Variants in TFDP1 observed in about 807,000 individuals in gnomAD.
TFDP1 encodes DRTF1-polypeptide 1.
Under a neutral mutation model 48.0 loss-of-function variants are expected in TFDP1, and 6 were observed. The observed-to-expected ratio is 0.13, with a 90% CI of 0.07 to 0.25. TFDP1 has a LOEUF of 0.25. Ranked by LOEUF, TFDP1 falls within the 10% of genes least tolerant of loss-of-function variation. The probability of loss-of-function intolerance (pLI) is 1.00; values close to 1 mark genes in which losing one functional copy is unlikely to be tolerated. For missense variants in TFDP1, 335 were observed against 543.0 expected (o/e 0.62, Z 3.81); for synonymous variants, 201 against 211.6 (o/e 0.95, Z 0.44).
In TFDP1 at chr13:113,621,522, C is replaced by T. The variant is rs1046266054; in HGVS notation, c.80-1658C>T. On this transcript the variant is annotated intron_variant, in intron 3 of 11. Transcript: ENST00000375370. ...TAATCATTAGTTTGTAGCAATTACT[C>T]TTTATTCCAATATTACAATAATCCT... Among the ~76,000 whole-genome samples, 7 of 152,314 alleles carry T rather than the reference C, an allele frequency of 4.6e-5. No individual in the cohort carries two copies. In the East Asian group the frequency reaches 5.8e-4, roughly 13 times the overall value.
chr13:113,589,939 G>A lies in TFDP1; in HGVS notation c.12+4090G>A, dbSNP rs140164343. ...GAACATCCTGTCGTCACACACGATTGTCCAGTGTCATGAAAGTTTGTAAGT... is the reference window on the plus strand; with the variant it reads ...GAACATCCTGTCGTCACACACGATTATCCAGTGTCATGAAAGTTTGTAAGT... On this transcript the variant is annotated intron_variant, in intron 2 of 11. Coordinates refer to ENST00000375370, the MANE Select transcript of TFDP1 (RefSeq NM_007111.5). Among the ~76,000 whole-genome samples the A allele has an allele frequency of 5.1e-3, 784 of 152,322 alleles. 4 individuals are homozygous for A. Among genetic ancestry groups the A allele is most frequent in the Middle Eastern group, 0.014 (4 of 294 alleles).
chr13:113,617,721 A>G (rs919549297), intron 3 of TFDP1, among the ~76,000 whole-genome samples: 7 of 152,182 alleles, frequency 4.6e-5, no homozygotes, highest in African/African-American at 1.7e-4. Context: ...GCTTGGCCAG[A>G]TAAGCAAACA....
chr13:113,618,459 T>G (rs1594484489), intron 3 of TFDP1, among the ~76,000 whole-genome samples: 1 of 152,196 alleles, frequency 6.6e-6, no homozygotes, highest in East Asian at 1.9e-4. Context: ...AGGTGGAGGT[T>G]GCAGTGAGCT....
chr13:113,627,725 A>AGGTTC lies in TFDP1; in HGVS notation c.187-3898_187-3897insGGTTC, dbSNP rs201053377. Among the ~76,000 whole-genome samples, 3,743 of 152,160 alleles carry AGGTTC rather than the reference A, an allele frequency of 0.025. 155 individuals are homozygous for AGGTTC. Among genetic ancestry groups the AGGTTC allele is most frequent in the African/African-American group, 0.086 (3,553 of 41,478 alleles). ...CCAGCATTAGGTTCTCAGGAGCGCA[A>AGGTTC]ACCCCACTGTGAACGGCACATGCAG... On this transcript the variant is annotated intron_variant, in intron 4 of 11. Coordinates refer to ENST00000375370, the MANE Select transcript of TFDP1 (RefSeq NM_007111.5). The surrounding 1 kb of genome is among the most constrained non-coding windows in gnomAD (Gnocchi z 4.1).
At chr13:113,585,552 T>TGCGGGCCC (rs1229663168) in intron 1 of TFDP1, 1 of 327,040 alleles carries the variant, frequency 3.1e-6, no homozygotes, top group Non-Finnish European at 5.8e-6. Context: ...GTGGTGACCC[T>TGCGGGCCC]GCGGGCCCGC....
chr13:113,606,024 C>T (rs1339653276), intron 2 of TFDP1, among the ~76,000 whole-genome samples: 2 of 133,304 alleles, frequency 1.5e-5, no homozygotes, highest in Admixed American at 7.6e-5. Flanking sequence ...TGTGGGAAGG[C>T]GGCGCGGTGA....
Position 113,607,279 on chromosome 13 carries a change from G to T in TFDP1, c.13-3717G>T, listed in dbSNP as rs1319193451. ...TTCTCCAGGAGAAAGCTGAGGAAAG[G>T]GGCCAGCCGTGAGCTGCGGGTGCTT... On this transcript the variant is annotated intron_variant, in intron 2 of 11. Transcript: ENST00000375370. The surrounding 1 kb of genome is among the most constrained non-coding windows in gnomAD (Gnocchi z 5.2). Among the ~76,000 whole-genome samples the T allele has an allele frequency of 1.3e-5, 2 of 152,352 alleles. No homozygotes were observed. Among genetic ancestry groups the T allele is most frequent in the Non-Finnish European group, 1.5e-5 (1 of 68,030 alleles).
At chr13:113,601,341 G>A (rs903993366) in intron 2 of TFDP1, among the ~76,000 whole-genome samples, 1 of 88,596 alleles carries the variant, frequency 1.1e-5, no homozygotes, top group Non-Finnish European at 2.1e-5. Context: ...TAACTCACCC[G>A]GCTGCTGGTG....
intron 4 of TFDP1, among the ~76,000 whole-genome samples, chr13:113,625,492 ACGTGTTCT>A (rs2049130016): frequency 1.7e-5 from 1 of 60,390 alleles, no homozygotes; most frequent in African/African-American, 1.5e-4. Flanking sequence ...GGTGTCTCTC[ACGTGTTCT>A]CAGGTGTCTC....
chr13:113,636,665 G>A lies in TFDP1; in HGVS notation c.971G>A (p.Ser324Asn), dbSNP rs368176674. Residue 324 changes from serine to asparagine, a missense_variant, in exon 10 of 12, where the codon AGT becomes AAT. This residue lies in a region of TFDP1 where 204 missense variants were observed against 287.1 expected (regional missense o/e 0.71). Coordinates refer to ENST00000375370, the MANE Select transcript of TFDP1 (RefSeq NM_007111.5). ...CSAEDLKMAR[S>N]LVPKALEPYV... ...GCCGAAGACCTTAAAATGGCCAGAA[G>A]TCTGGTCCCCAAGGCTCTGGAGCCA... The A allele has an allele frequency of 3.1e-6, 5 of 1,610,658 alleles. No individual in the cohort carries two copies. In the South Asian group the frequency reaches 4.4e-5, roughly 14 times the overall value.
intron 1 of TFDP1, 57 bp from the exon 2 acceptor site, chr13:113,585,717 G>C (rs1277551576): frequency 3.6e-6 from 4 of 1,105,112 alleles, no homozygotes; most frequent in East Asian, 5.0e-5. Context: ...TTTAAACTTC[G>C]TTTTTCATTC....
At chr13:113,585,740 T>G in intron 1 of TFDP1, 34 bp from the exon 2 acceptor site, 1 of 1,280,834 alleles carries the variant, frequency 7.8e-7, no homozygotes, top group Non-Finnish European at 1.1e-6. Flanking sequence ...ACTTATTTCT[T>G]GTTTTTCCTT....
intron 3 of TFDP1, among the ~76,000 whole-genome samples, chr13:113,622,867 T>C (rs1230253835): frequency 6.6e-6 from 1 of 152,264 alleles, no homozygotes; most frequent in African/African-American, 2.4e-5. Flanking sequence ...TGTCATAGAA[T>C]CACAGACTTT....
At chr13:113,600,263 T>C (rs1268769628) in intron 2 of TFDP1, among the ~76,000 whole-genome samples, 2 of 146,070 alleles carry the variant, frequency 1.4e-5, no homozygotes, top group African/African-American at 2.6e-5. Context: ...CCCTCACACA[T>C]AGGGCTCCAG....
chr13:113,592,079 T>C (rs2048160940), intron 2 of TFDP1, among the ~76,000 whole-genome samples: 1 of 152,264 alleles, frequency 6.6e-6, no homozygotes, highest in African/African-American at 2.4e-5. Context: ...ACTATTCACA[T>C]GTGCTGCAGG....
chr13:113,585,142 C>G (rs1242080785), intron 1 of TFDP1: 1 of 146,982 alleles, frequency 6.8e-6, no homozygotes, highest in Non-Finnish European at 1.5e-5. Flanking sequence ...CCGCGCCCCA[C>G]GCTGGAGGTG....
chr13:113,610,946 C>T lies in TFDP1; in HGVS notation c.13-50C>T, dbSNP rs201470402. 344 of 1,572,734 alleles carry T rather than the reference C, an allele frequency of 2.2e-4. 1 individual carries two copies. Among genetic ancestry groups the T allele is most frequent in the African/African-American group, 1.5e-4 (11 of 73,962 alleles). On this transcript the variant is annotated intron_variant, in intron 2 of 11. Transcript: ENST00000375370. ...GGGTGGTTTTAAACACCCCTAGTTTCGTAGCCCTTTTAGCTGTCATATTTA... is the reference window on the plus strand; with the variant it reads ...GGGTGGTTTTAAACACCCCTAGTTTTGTAGCCCTTTTAGCTGTCATATTTA...
intron 4 of TFDP1, among the ~76,000 whole-genome samples, chr13:113,630,155 G>GCACACACACACA (rs3076650): frequency 1.3e-5 from 2 of 149,110 alleles, no homozygotes; most frequent in African/African-American, 2.5e-5. Context: ...TGCCCCAGCA[G>GCACACACACACA]CACACACACA....
rs1268065091 is a variant in TFDP1 at position 113,640,998 on chromosome 13, G to C, written c.*731G>C. 4 of 152,708 alleles carry C rather than the reference G, an allele frequency of 2.6e-5. No individual in the cohort carries two copies. The East Asian group carries it at 7.7e-4, about 29-fold the overall frequency. The allele number at this position is 152,708 out of a possible 1,614,324, so 9.5% of individuals were successfully genotyped here. ...GGAGACTGTCTGGAAGGCTTGGAAT[G>C]GTTTATTGCTTATGGTAAAATTTGC... On this transcript the variant is annotated 3_prime_UTR_variant, in exon 12 of 12. Transcript: ENST00000375370.
Sources: gnomAD v4.1 joint callset for allele counts (sites outside exome capture counted in the v4.1 genomes callset) on GRCh38, gnomAD v4.1.1 for gene constraint, gnomAD v4.1.1 regional missense constraint, Gnocchi (gnomAD v3.1) non-coding constraint, MANE v1.5 for transcripts, NCBI Gene and HGNC (gene_info 2026-07-23, HGNC 2026-07-21) for gene names.